Variants in ZNF185 observed in about 807,000 individuals in gnomAD.
The protein encoded by ZNF185 is zinc finger protein 185.
Under a neutral mutation model 58.6 loss-of-function variants are expected in ZNF185, and 56 were observed. The ratio of observed to expected loss-of-function variants is 0.95; its 90% CI spans 0.77 to 1.19. ZNF185 has a LOEUF of 1.19. Ranked by LOEUF, ZNF185 falls within the 50% of genes most tolerant of loss-of-function variation. ZNF185 has a pLI of 0.00. For synonymous variants in ZNF185, 230 were observed against 215.9 expected, an observed-to-expected ratio of 1.07 and a Z score of -0.57; for missense variants, 627 against 573.5, an observed-to-expected ratio of 1.09 and a Z score of -0.95.
At chrX:152,911,437 G>A (rs1456012581), upstream of ZNF185, among the ~76,000 whole-genome samples, 4 of 111,190 alleles carry the variant, frequency 3.6e-5, no homozygotes, top group African/African-American at 1.3e-4. Flanking sequence ...GGCTGATGTG[G>A]GCCAAGTGGG....
chrX:152,904,082 A>T, the ZNF185 span, among the ~76,000 whole-genome samples: 1 of 111,990 alleles, frequency 8.9e-6, no homozygotes, highest in Non-Finnish European at 1.9e-5. Context: ...TCTGCAACTC[A>T]AGTCTTTTTC....
intron 6 of ZNF185, 101 bp downstream of exon 7, chrX:152,918,255 G>A: frequency 1.0e-6 from 1 of 991,696 alleles, no homozygotes; most frequent in Non-Finnish European, 1.4e-6. Context: ...ACCGAGCACA[G>A]CCCGGGAAGT....
At chrX:152,938,274 G>T in intron 15 of ZNF185, 111 bp downstream of exon 17, 1 of 740,437 alleles carries the variant, frequency 1.4e-6, no homozygotes, top group South Asian at 2.8e-5. Flanking sequence ...TTGTGAGCTG[G>T]CCTGAGGCAC....
At chrX:152,970,111 A>G (rs1304595378) in intron 21 of ZNF185, among the ~76,000 whole-genome samples, 1 of 111,313 alleles carries the variant, frequency 9.0e-6, no homozygotes, top group African/African-American at 3.3e-5. Context: ...TGCCCCACTT[A>G]GCAGCTTCTC....
intron 11 of ZNF185, among the ~76,000 whole-genome samples, chrX:152,926,354 G>A (rs1191343141): frequency 3.6e-5 from 4 of 112,581 alleles, no homozygotes; most frequent in Admixed American, 9.4e-5. Context: ...GGTATCCTCG[G>A]GGGCTCCCAG....
chrX:152,940,632 T>C (rs1235515298), intron 15 of ZNF185, among the ~76,000 whole-genome samples: 1 of 112,018 alleles, frequency 8.9e-6, no homozygotes, highest in Non-Finnish European at 1.9e-5. Context: ...TGGCCAATGT[T>C]TCTTATTCAG....
chrX:152,945,350 G>A, exon 16 of ZNF185: 1 of 1,207,244 alleles, frequency 8.3e-7, no homozygotes, highest in South Asian at 1.8e-5. Context: ...CCAAGAGGTG[G>A]CCAAGGAGAC....
At chrX:152,969,418 G>A (rs2050445849) in exon 21 of ZNF185, 2 of 1,207,432 alleles carry the variant, frequency 1.7e-6, no homozygotes, top group African/African-American at 3.5e-5. Flanking sequence ...GCAACCGTGA[G>A]ATCCGAGACT....
In ZNF185 at chrX:152,957,017, C is replaced by T. The variant is rs782588787; in HGVS notation, c.1410-2682C>T. ...GTCCATGTTCAATTTATGGAAAAAC[C>T]TAATAATACCCTTTTAAATTTAGTA... On this transcript the variant is annotated intron_variant, in intron 16 of 22. Coordinates refer to ENST00000449285, the Ensembl canonical transcript of ZNF185. 2.7e-5 allele frequency among the ~76,000 whole-genome samples: 3 copies of T among 111,292 alleles called. No homozygotes were observed. The East Asian group carries it at 8.4e-4, about 31-fold the overall frequency.
In ZNF185 at chrX:152,918,165, A is replaced by G; in HGVS notation, c.431+11A>G. The G allele has an allele frequency of 1.7e-6, 2 of 1,183,812 alleles. No homozygotes were observed. The highest frequency in any genetic ancestry group is 2.3e-6 in the Non-Finnish European group (2 of 880,749). ...GGATTACAAGAAGCTGTGAGTATGC[A>G]ACGCCAGGCTCAGCGTGGTTCCCTC... On this transcript the variant is annotated intron_variant, in intron 6 of 22. Transcript: ENST00000449285.
intron 7 of ZNF185, 81 bp downstream of exon 8, chrX:152,919,162 C>T: frequency 1.3e-6 from 1 of 795,465 alleles, no homozygotes. Context: ...ATGAATTGTA[C>T]TGGTTGGGGT....
At chrX:152,915,242 A>T (rs1556865058) in intron 3 of ZNF185, 39 bp downstream of exon 4, 1 of 1,183,081 alleles carries the variant, frequency 8.5e-7, no homozygotes, top group East Asian at 3.0e-5. Context: ...GGTCAGCCCC[A>T]GGGACTCTCC....
chrX:152,965,422 G>C (rs2050005901), intron 18 of ZNF185, 25 bp from the exon 21 acceptor site: 1 of 1,157,844 alleles, frequency 8.6e-7, no homozygotes, highest in Non-Finnish European at 1.2e-6. Flanking sequence ...GTGTACCTCT[G>C]ATTTCTTCTG....
chrX:152,952,672 A>G (rs1369113135), intron 16 of ZNF185, among the ~76,000 whole-genome samples: 1 of 110,648 alleles, frequency 9.0e-6, no homozygotes, highest in African/African-American at 3.3e-5. Context: ...GGACAGATGA[A>G]AAGATTCAGG....
At chrX:152,911,252 A>C (rs1263529072), upstream of ZNF185, among the ~76,000 whole-genome samples, 2 of 112,013 alleles carry the variant, frequency 1.8e-5, no homozygotes, top group African/African-American at 6.5e-5. Context: ...GACCAGTATA[A>C]GCTAAGGCAC....
At chrX:152,956,258 TTAAA>T (rs2048817993) in intron 16 of ZNF185, among the ~76,000 whole-genome samples, 1 of 111,744 alleles carries the variant, frequency 8.9e-6, no homozygotes, top group African/African-American at 3.3e-5. Context: ...ACTGCCTAAA[TTAAA>T]TAAAATAAAG....
chrX:152,898,390 A>G, the ZNF185 span, among the ~76,000 whole-genome samples: 2 of 112,635 alleles, frequency 1.8e-5, no homozygotes, highest in Non-Finnish European at 3.8e-5. Context: ...TCCCCCCGGG[A>G]GTCAGTGGAT....
At position 152,959,693 on chromosome X, in the gene ZNF185, C is replaced by T. The variant is rs1696455429; in HGVS notation, c.1410-6C>T. On this transcript the variant is annotated splice_polypyrimidine_tract_variant and splice_region_variant and intron_variant, in intron 16 of 22. Coordinates refer to ENST00000449285, the Ensembl canonical transcript of ZNF185. Reference sequence around the variant, plus strand: ...CTCACTTCATAAGGGTCTTATTCTTCCTCAGCGTGTTGACTGATTTTGAGG... The same window carrying T: ...CTCACTTCATAAGGGTCTTATTCTTTCTCAGCGTGTTGACTGATTTTGAGG... 3 of 1,208,687 alleles carry T rather than the reference C, an allele frequency of 2.5e-6. No individual in the cohort carries two copies. The highest frequency in any genetic ancestry group is 3.0e-5 in the East Asian group (1 of 33,805).
chrX:152,969,147 C>T (rs963247217), intron 20 of ZNF185, among the ~76,000 whole-genome samples: 3 of 112,128 alleles, frequency 2.7e-5, no homozygotes, highest in Admixed American at 9.4e-5. Context: ...GGAGACATGT[C>T]ATTGTGAGCT....
Sources: gnomAD v4.1 joint callset for allele counts (sites outside exome capture counted in the v4.1 genomes callset) on GRCh38, gnomAD v4.1.1 for gene constraint, MANE v1.5 for transcripts, NCBI Gene and HGNC (gene_info 2026-07-23, HGNC 2026-07-21) for gene names.